The following PNPO variants were observed in gnomAD, a reference collection of about 807,000 sequenced individuals.
The protein encoded by PNPO is pyridoxamine 5'-phosphate oxidase.
Under a neutral mutation model 35.0 loss-of-function variants are expected in PNPO, and 39 were observed. The ratio of observed to expected loss-of-function variants is 1.11; its 90% CI spans 0.86 to 1.45. The LOEUF (loss-of-function observed/expected upper bound fraction) is 1.45, where lower values mean the gene tolerates loss of function less well. Ranked by LOEUF, PNPO falls within the 40% of genes most tolerant of loss-of-function variation. The probability of loss-of-function intolerance (pLI) is 0.00; values close to 1 mark genes in which losing one functional copy is unlikely to be tolerated. For missense variants in PNPO, 288 were observed against 340.0 expected (o/e 0.85, Z 1.20); for synonymous variants, 115 against 119.8 (o/e 0.96, Z 0.26).
At chr17:47,942,416 A>G (rs1180609560) in intron 1 of PNPO, among the ~76,000 whole-genome samples, 1 of 152,154 alleles carries the variant, frequency 6.6e-6, no homozygotes, top group Non-Finnish European at 1.5e-5. Context: ...GGGTCACCCA[A>G]ACCTCCTTGT....
Position 47,948,361 on chromosome 17 carries a change from G to A in PNPO, c.*1579G>A, listed in dbSNP as rs1379208351. On this transcript the variant is annotated 3_prime_UTR_variant, in exon 7 of 7. Transcript: ENST00000642017. ...AGTTCATTGGTTTTTCCCCCACACT[G>A]GAATTACCTGGGGAGCTTAAAAAAC... 4 of 152,060 alleles carry A rather than the reference G, an allele frequency of 2.6e-5. No homozygotes were observed. The highest frequency in any genetic ancestry group is 5.9e-5 in the Non-Finnish European group (4 of 67,990). 9.4% of individuals were successfully genotyped at this position (152,060 alleles called of 1,614,324 possible).
At position 47,945,677 on chromosome 17, in the gene PNPO, C is replaced by T. The variant is rs543342028; in HGVS notation, c.417+65C>T. The T allele has an allele frequency of 5.7e-5, 84 of 1,477,086 alleles. No homozygotes were observed. The highest frequency in any genetic ancestry group is 1.5e-4 in the Admixed American group (9 of 59,858). 91.5% of individuals were successfully genotyped at this position (1,477,086 alleles called of 1,614,324 possible). On this transcript the variant is annotated intron_variant, in intron 4 of 6. Coordinates refer to ENST00000642017, the MANE Select transcript of PNPO (RefSeq NM_018129.4). This position sits in a 1 kb window ranked among gnomAD's most constrained non-coding sequence, Gnocchi z 4.0. Reference sequence around the variant, plus strand: ...TTGGCAGGGCCTGAGTTTATGGCTACGTCTAGCGAAGGTCCCCAGACTGGG... The same window carrying T: ...TTGGCAGGGCCTGAGTTTATGGCTATGTCTAGCGAAGGTCCCCAGACTGGG...
Position 47,945,644 on chromosome 17 carries a change from G to T in PNPO, c.417+32G>T. 1 of 1,576,076 alleles carries T rather than the reference G, an allele frequency of 6.3e-7. No homozygotes were observed. Among genetic ancestry groups the T allele is most frequent in the South Asian group, 1.1e-5 (1 of 90,282 alleles). ...GAATTTTCCCAGGACAGCCTGGGAT[G>T]GGCTGGGTTGGCAGGGCCTGAGTTT... is the stretch of plus-strand genomic sequence containing the variant. On this transcript the variant is annotated intron_variant, in intron 4 of 6. Coordinates refer to ENST00000642017, the MANE Select transcript of PNPO (RefSeq NM_018129.4). The surrounding 1 kb of genome is among the most constrained non-coding windows in gnomAD (Gnocchi z 4.0).
At chr17:47,946,263 T>A in intron 5 of PNPO, 60 bp from the exon 6 acceptor site, 1 of 1,315,760 alleles carries the variant, frequency 7.6e-7, no homozygotes, top group Non-Finnish European at 1.1e-6. Context: ...CCCCAGGAAG[T>A]CCTTGTTAAT....
At chr17:47,946,255 C>T in intron 5 of PNPO, 68 bp from the exon 6 acceptor site, 2 of 1,269,184 alleles carry the variant, frequency 1.6e-6, no homozygotes, top group Non-Finnish European at 2.3e-6. Flanking sequence ...GCACATATCC[C>T]CAGGAAGTCC....
Position 47,943,339 on chromosome 17 carries a change from C to G in PNPO, c.172C>G (p.Pro58Ala). 1 of 1,613,870 alleles carries G rather than the reference C, an allele frequency of 6.2e-7. No individual in the cohort carries two copies. Among genetic ancestry groups the G allele is most frequent in the Non-Finnish European group, 8.5e-7 (1 of 1,179,846 alleles). Residue 58 changes from proline to alanine, a missense_variant, in exon 2 of 7, where the codon CCA becomes GCA. By Grantham distance (27) the Pro-to-Ala change is conservative (BLOSUM62 -1). Transcript: ENST00000642017. ...FEETHLTSLD[P>A]VKQFAAWFEE... ...GGAGACTCATCTGACCTCCCTTGAC[C>G]CAGTGAAACAGTTTGCTGCCTGGTT...
rs2035969639 is a variant in PNPO at position 47,943,424 on chromosome 17, G to A, written c.257G>A (p.Cys86Tyr). The A allele has an allele frequency of 1.2e-6, 2 of 1,613,608 alleles. No homozygotes were observed. Among genetic ancestry groups the A allele is most frequent in the Non-Finnish European group, 8.5e-7 (1 of 1,179,672 alleles). Residue 86 changes from cysteine to tyrosine, a missense_variant, in exon 2 of 7, where the codon TGC (cysteine) becomes TAC (tyrosine). Cys to Tyr is a radical substitution (Grantham distance 194). Coordinates refer to ENST00000642017, the MANE Select transcript of PNPO (RefSeq NM_018129.4). ...GCCAATGCCATGTGTCTGGCTACCT[G>A]CACCAGGTGGGCATGGCTGTGGGCC... ...GEANAMCLAT[C>Y]TRDGKPSARM...
chr17:47,944,488 G>A (rs951721408), intron 2 of PNPO, 128 bp from the exon 3 acceptor site: 6 of 792,938 alleles, frequency 7.6e-6, no homozygotes, highest in Admixed American at 5.1e-5. Context: ...CACATGGGAC[G>A]GGGTAGCCTG....
At position 47,941,622 on chromosome 17, in the gene PNPO, C is replaced by G. The variant is rs1397803155; in HGVS notation, c.-54C>G. On this transcript the variant is annotated 5_prime_UTR_variant, in exon 1 of 7. Transcript: ENST00000642017. ...TCCAGGGTGAGAAATTGGTTCCGAA[C>G]TCAAAGGAACCCAGTGCCGGGCCAC... 3.4e-6 allele frequency: 5 copies of G among 1,475,370 alleles called. No individual in the cohort carries two copies. Among genetic ancestry groups the G allele is most frequent in the East Asian group, 5.1e-5 (2 of 39,356 alleles). 91.4% of individuals were successfully genotyped at this position (1,475,370 alleles called of 1,614,324 possible).
In PNPO at chr17:47,945,501, G is replaced by A. The variant is rs1180711230; in HGVS notation, c.364-58G>A. 25 of 1,377,126 alleles carry A rather than the reference G, an allele frequency of 1.8e-5. No individual in the cohort carries two copies. The highest frequency in any genetic ancestry group is 2.2e-5 in the Non-Finnish European group (21 of 964,232). 85.3% of individuals were successfully genotyped at this position (1,377,126 alleles called of 1,614,324 possible). A position where few individuals can be genotyped will look rare whatever the true frequency, so the allele number is the denominator to read the frequency against. On this transcript the variant is annotated intron_variant, in intron 3 of 6. Coordinates refer to ENST00000642017, the MANE Select transcript of PNPO (RefSeq NM_018129.4). This position sits in a 1 kb window ranked among gnomAD's most constrained non-coding sequence, Gnocchi z 4.0. ...CAGCTCTCCTGCCTTTTCCCTGCAT[G>A]CCGGAGGCCTCCTCTCCCTGTCCTG...
chr17:47,946,761 CTA>C lies in PNPO; in HGVS notation c.767_768del (p.Tyr256Ter), dbSNP rs2036017005. On this transcript the variant is annotated frameshift_variant, in exon 7 of 7. Coordinates refer to ENST00000642017, the MANE Select transcript of PNPO (RefSeq NM_018129.4). LOFTEE classifies it high-confidence loss of function. Reference protein sequence around the residue: ...MTHRGEEDWLYERLAP With the variant: ...MTHRGEEDWLXERLAP ...CCCACCGCGGGGAGGAAGACTGGCT[CTA>C]TGAGAGACTTGCACCTTAACTCTGG... 1 of 1,614,166 alleles carries C rather than the reference CTA, an allele frequency of 6.2e-7. No individual in the cohort carries two copies.
chr17:47,943,720 G>C (rs557514031), intron 2 of PNPO, among the ~76,000 whole-genome samples: 1 of 152,218 alleles, frequency 6.6e-6, no homozygotes, highest in Admixed American at 6.5e-5. Flanking sequence ...CCCAAGCCCC[G>C]TCTGCCATTC....
rs2035994740 is a variant in PNPO at position 47,945,471 on chromosome 17, C to T, written c.364-88C>T. Reference sequence around the variant, plus strand: ...TGGGTGCATCTGCTGTGGGCCTGCGCACTACAGCTCTCCTGCCTTTTCCCT... The same window carrying T: ...TGGGTGCATCTGCTGTGGGCCTGCGTACTACAGCTCTCCTGCCTTTTCCCT... On this transcript the variant is annotated intron_variant, in intron 3 of 6. Coordinates refer to ENST00000642017, the MANE Select transcript of PNPO (RefSeq NM_018129.4). This position sits in a 1 kb window ranked among gnomAD's most constrained non-coding sequence, Gnocchi z 4.0. The T allele has an allele frequency of 2.0e-6, 2 of 983,444 alleles. No individual in the cohort carries two copies. Among genetic ancestry groups the T allele is most frequent in the Non-Finnish European group, 3.3e-6 (2 of 605,426 alleles). 60.9% of individuals were successfully genotyped at this position (983,444 alleles called of 1,614,324 possible).
chr17:47,943,285 G>T, intron 1 of PNPO, 21 bp from the exon 2 acceptor site: 2 of 1,604,526 alleles, frequency 1.2e-6, no homozygotes, highest in South Asian at 2.2e-5. Flanking sequence ...TTTATTAAAT[G>T]AAATAAATCT....
At chr17:47,943,720 G>A (rs557514031) in intron 2 of PNPO, among the ~76,000 whole-genome samples, 2 of 152,100 alleles carry the variant, frequency 1.3e-5, no homozygotes, top group Admixed American at 6.5e-5. Flanking sequence ...CCCAAGCCCC[G>A]TCTGCCATTC....
At position 47,946,745 on chromosome 17, in the gene PNPO, G is replaced by A; in HGVS notation, c.749G>A (p.Gly250Glu). Residue 250 changes from glycine to glutamate, a missense_variant, in exon 7 of 7, where the codon GGG (glycine) becomes GAG (glutamate). By Grantham distance (98) the Gly-to-Glu change is moderately conservative (BLOSUM62 -2). Transcript: ENST00000642017. ...CCTTTGGGGCCCATGACCCACCGCG[G>A]GGAGGAAGACTGGCTCTATGAGAGA... ...DSPLGPMTHRGEEDWLYERLA... is the reference protein window; with the variant it reads ...DSPLGPMTHREEEDWLYERLA... 6.2e-7 allele frequency: 1 copy of A among 1,614,216 alleles called. No homozygotes were observed. The highest frequency in any genetic ancestry group is 1.7e-5 in the Admixed American group (1 of 60,026).
intron 3 of PNPO, 122 bp downstream of exon 3, chr17:47,944,837 C>A: frequency 1.2e-6 from 1 of 809,278 alleles, no homozygotes; most frequent in African/African-American, 1.7e-5. Flanking sequence ...CAGGTGCCCT[C>A]CTGCCATGAG....
At position 47,947,330 on chromosome 17, in the gene PNPO, T is replaced by G. The variant is rs1221698578; in HGVS notation, c.*548T>G. The G allele has an allele frequency of 6.3e-6, 1 of 159,932 alleles. No homozygotes were observed. Among genetic ancestry groups the G allele is most frequent in the African/African-American group, 2.4e-5 (1 of 41,372 alleles). 9.9% of individuals were successfully genotyped at this position (159,932 alleles called of 1,614,324 possible). On this transcript the variant is annotated 3_prime_UTR_variant, in exon 7 of 7. Coordinates refer to ENST00000642017, the MANE Select transcript of PNPO (RefSeq NM_018129.4). Reference sequence around the variant, plus strand: ...TGCTGCTATTGCAATTCCCAGGATCTCTCCTTCCCTGGATCCCTCCCTCCC... The same window carrying G: ...TGCTGCTATTGCAATTCCCAGGATCGCTCCTTCCCTGGATCCCTCCCTCCC...
chr17:47,942,473 C>T (rs1459652774), intron 1 of PNPO, among the ~76,000 whole-genome samples: 1 of 151,894 alleles, frequency 6.6e-6, no homozygotes, highest in Non-Finnish European at 1.5e-5. Flanking sequence ...GGTACAGTGA[C>T]AAACAGCTTA....
Sources: gnomAD v4.1 joint callset for allele counts (sites outside exome capture counted in the v4.1 genomes callset) on GRCh38, gnomAD v4.1.1 for gene constraint, Gnocchi (gnomAD v3.1) non-coding constraint, MANE v1.5 for transcripts, NCBI Gene and HGNC (gene_info 2026-07-23, HGNC 2026-07-21) for gene names.